The following RORB variants were observed in gnomAD, a reference collection of about 807,000 sequenced individuals.
The protein encoded by RORB is nuclear receptor ROR-beta.
In RORB, 6 loss-of-function variants were observed where a neutral mutation model predicts 59.1. That is an observed-to-expected ratio of 0.10 (90% CI 0.06 to 0.20). The LOEUF (loss-of-function observed/expected upper bound fraction) is 0.20. Among genes scored for constraint, RORB ranks in the 10% least tolerant of loss-of-function variants. RORB has a pLI of 1.00. For synonymous variants in RORB, 215 were observed against 204.5 expected (o/e 1.05, Z -0.44); for missense variants, 320 against 560.5 (o/e 0.57, Z 4.33).
chr9:74,614,764 T>C (rs1823285425), intron 1 of RORB, among the ~76,000 whole-genome samples: 1 of 152,164 alleles, frequency 6.6e-6, no homozygotes, highest in Non-Finnish European at 1.5e-5. Flanking sequence ...TATGTAGGCA[T>C]TTTGCTTTCA....
At chr9:74,591,061 C>T (rs2118287910) in intron 1 of RORB, among the ~76,000 whole-genome samples, 2 of 152,296 alleles carry the variant, frequency 1.3e-5, no homozygotes, top group Middle Eastern at 6.8e-3. Context: ...TCCCAAAGTG[C>T]TGGGATTACA....
intron 1 of RORB, among the ~76,000 whole-genome samples, chr9:74,514,589 G>T (rs1315878315): frequency 6.6e-6 from 1 of 151,402 alleles, no homozygotes; most frequent in Non-Finnish European, 1.5e-5. Context: ...AGTAAATGTT[G>T]AATAAGTGAG....
At chr9:74,593,215 C>T (rs1162415151) in intron 1 of RORB, among the ~76,000 whole-genome samples, 1 of 151,972 alleles carries the variant, frequency 6.6e-6, no homozygotes, top group Non-Finnish European at 1.5e-5. Context: ...ACCTATAATC[C>T]CAGCACTTTG....
At chr9:74,517,609 C>A (rs1826027140) in intron 1 of RORB, among the ~76,000 whole-genome samples, 1 of 151,954 alleles carries the variant, frequency 6.6e-6, no homozygotes, top group South Asian at 2.1e-4. Flanking sequence ...ACATTTTAAT[C>A]TAATTTTATT....
intron 1 of RORB, among the ~76,000 whole-genome samples, chr9:74,548,493 T>A (rs968795794): frequency 9.8e-5 from 15 of 152,352 alleles, no homozygotes; most frequent in African/African-American, 3.4e-4. Context: ...TGGAATTCAC[T>A]ACTTCTTGTC....
intron 1 of RORB, among the ~76,000 whole-genome samples, chr9:74,596,201 A>G (rs1349643996): frequency 6.6e-6 from 1 of 152,222 alleles, no homozygotes; most frequent in Non-Finnish European, 1.5e-5. Context: ...CTTTAGAAGT[A>G]CAGGAAATCA....
intron 1 of RORB, among the ~76,000 whole-genome samples, chr9:74,578,190 T>A (rs1289450842): frequency 6.6e-6 from 1 of 152,098 alleles, no homozygotes; most frequent in Non-Finnish European, 1.5e-5. Flanking sequence ...CTTAGGACAG[T>A]AGGGGTCATC....
chr9:74,544,688 C>T (rs1190686768), intron 1 of RORB, among the ~76,000 whole-genome samples: 1 of 152,198 alleles, frequency 6.6e-6, no homozygotes, highest in East Asian at 1.9e-4. Flanking sequence ...GTGTTTTTAC[C>T]ACGCTTGTCC....
chr9:74,629,016 T>C (rs967085083), intron 1 of RORB, among the ~76,000 whole-genome samples: 1 of 152,078 alleles, frequency 6.6e-6, no homozygotes, highest in Non-Finnish European at 1.5e-5. Flanking sequence ...AACAACCCCA[T>C]TTCTGTCCAA....
chr9:74,500,328 A>G (rs1390135426), intron 1 of RORB, among the ~76,000 whole-genome samples: 1 of 152,194 alleles, frequency 6.6e-6, no homozygotes, highest in Admixed American at 6.5e-5. Context: ...GCCCTACCAC[A>G]GTATGAGAGG....
intron 4 of RORB, among the ~76,000 whole-genome samples, chr9:74,656,311 C>T (rs1824078990): frequency 6.6e-6 from 1 of 152,182 alleles, no homozygotes; most frequent in Non-Finnish European, 1.5e-5. Context: ...AGCTCCTCCA[C>T]TCCATCTCTG....
At chr9:74,563,869 A>G (rs1418301715) in intron 1 of RORB, among the ~76,000 whole-genome samples, 6 of 152,184 alleles carry the variant, frequency 3.9e-5, no homozygotes, top group African/African-American at 7.2e-5. Flanking sequence ...GTGGAAATAG[A>G]TGCCTTCCAA....
chr9:74,684,257 A>G (rs916221598), intron 9 of RORB, among the ~76,000 whole-genome samples: 3 of 152,228 alleles, frequency 2.0e-5, no homozygotes, highest in African/African-American at 7.2e-5. Context: ...GCAACTAATT[A>G]TCTATTTCCT....
chr9:74,662,309 A>G (rs945353239), intron 5 of RORB, among the ~76,000 whole-genome samples, 165 bp from the exon 6 acceptor site: 2 of 152,174 alleles, frequency 1.3e-5, no homozygotes, highest in African/African-American at 4.8e-5. Context: ...ATATTAACTT[A>G]GGGAAAAAAA....
chr9:74,567,486 G>A (rs1383076615), intron 1 of RORB, among the ~76,000 whole-genome samples: 1 of 152,094 alleles, frequency 6.6e-6, no homozygotes, highest in African/African-American at 2.4e-5. Flanking sequence ...AAAGGGATAG[G>A]AATTCAGAGT....
intron 4 of RORB, among the ~76,000 whole-genome samples, chr9:74,658,406 C>A (rs1421043871): frequency 5.3e-5 from 8 of 152,086 alleles, no homozygotes; most frequent in Non-Finnish European, 1.2e-4. Context: ...TTGTACCTAC[C>A]CTTCCTCATA....
At chr9:74,528,224 T>C (rs542449429) in intron 1 of RORB, among the ~76,000 whole-genome samples, 2 of 152,140 alleles carry the variant, frequency 1.3e-5, no homozygotes, top group South Asian at 4.1e-4. Context: ...ATAAAGGGAC[T>C]GAGGGGTTCT....
chr9:74,585,489 G>A (rs1822784384), intron 1 of RORB, among the ~76,000 whole-genome samples: 1 of 152,178 alleles, frequency 6.6e-6, no homozygotes, highest in Admixed American at 6.5e-5. Context: ...TTCCGAAGTT[G>A]TCAAACTGAA....
intron 1 of RORB, among the ~76,000 whole-genome samples, chr9:74,571,885 G>A (rs1431507471): frequency 6.6e-6 from 1 of 152,096 alleles, no homozygotes; most frequent in Admixed American, 6.6e-5. Flanking sequence ...ACAAAGAAGC[G>A]GTGATAATTC....
Sources: allele counts gnomAD v4.1 joint callset (sites outside exome capture counted in the v4.1 genomes callset), GRCh38; gene constraint gnomAD v4.1.1; transcripts MANE v1.5; gene names NCBI Gene and HGNC (gene_info 2026-07-23, HGNC 2026-07-21).